The following ZSWIM5 variants were observed in gnomAD, a reference collection of about 807,000 sequenced individuals.
The protein encoded by ZSWIM5 is zinc finger SWIM domain-containing protein 5.
ZSWIM5 carries 55 observed loss-of-function variants against 119.6 expected under a neutral mutation model. The ratio of observed to expected loss-of-function variants is 0.46; its 90% CI spans 0.37 to 0.58. ZSWIM5 has a LOEUF of 0.58. Among genes scored for constraint, ZSWIM5 ranks in the 20% least tolerant of loss-of-function variants. The pLI, the probability that ZSWIM5 is intolerant of heterozygous loss-of-function variation, is 0.00. For missense variants in ZSWIM5, 1,193 were observed against 1,512.8 expected, an observed-to-expected ratio of 0.79 and a Z score of 3.51; for synonymous variants, 537 against 606.9, an observed-to-expected ratio of 0.88 and a Z score of 1.69.
intron 1 of ZSWIM5, among the ~76,000 whole-genome samples, chr1:45,164,601 G>T (rs1482066181): frequency 6.6e-6 from 1 of 152,084 alleles, no homozygotes; most frequent in Non-Finnish European, 1.5e-5. Context: ...ACACACATAG[G>T]CTCAAAATAA....
At chr1:45,130,375 C>CAT (rs1207457903) in intron 1 of ZSWIM5, among the ~76,000 whole-genome samples, 1 of 151,772 alleles carries the variant, frequency 6.6e-6, no homozygotes, top group Non-Finnish European at 1.5e-5. Context: ...AACACACACA[C>CAT]ACACACACAC....
chr1:45,058,507 T>C, intron 4 of ZSWIM5, 102 bp downstream of exon 4: 1 of 1,465,674 alleles, frequency 6.8e-7, no homozygotes. Flanking sequence ...CCAGCTGGAC[T>C]TAGCAAGATC....
rs571203455 is a variant in ZSWIM5 at position 45,072,197 on chromosome 1, T to C, written c.953-11950A>G. On this transcript the variant is annotated intron_variant, in intron 2 of 13. Transcript: ENST00000359600. This position sits in a 1 kb window ranked among gnomAD's most constrained non-coding sequence, Gnocchi z 4.1. ...ACAAATGATATTGAGTACCTTTTCA[T>C]ATACTCATTTGCCACTTGTATGTCG... 1.3e-5 allele frequency among the ~76,000 whole-genome samples: 2 copies of C among 152,016 alleles called. No homozygotes were observed. Among genetic ancestry groups the C allele is most frequent in the African/African-American group, 4.8e-5 (2 of 41,240 alleles).
Position 45,020,701 on chromosome 1 carries a change from G to GC in ZSWIM5, c.2536dup (p.Ala846GlyfsTer11), listed in dbSNP as rs1557737968. 6.2e-7 allele frequency: 1 copy of GC among 1,614,118 alleles called. No homozygotes were observed. The highest frequency in any genetic ancestry group is 8.5e-7 in the Non-Finnish European group (1 of 1,180,010). Reference sequence around the variant, plus strand: ...GTCGGTGGGAGTAGCAATCTTGAATGCATCTTGGGCCAGTTTGAAGATGAG... The same window carrying GC: ...GTCGGTGGGAGTAGCAATCTTGAATGCCATCTTGGGCCAGTTTGAAGATGAG... On this transcript the variant is annotated frameshift_variant, in exon 12 of 14. Coordinates refer to ENST00000359600, the MANE Select transcript of ZSWIM5 (RefSeq NM_020883.2). LOFTEE classifies it high-confidence loss of function.
At chr1:45,174,770 C>G (rs149327071) in intron 1 of ZSWIM5, among the ~76,000 whole-genome samples, 1 of 151,810 alleles carries the variant, frequency 6.6e-6, no homozygotes, top group Non-Finnish European at 1.5e-5. Context: ...CATATTTATC[C>G]CTTTTTATTT....
chr1:45,122,960 T>C (rs1030698171), intron 1 of ZSWIM5, among the ~76,000 whole-genome samples: 1 of 152,076 alleles, frequency 6.6e-6, no homozygotes, highest in Non-Finnish European at 1.5e-5. Flanking sequence ...CACTACCCAG[T>C]GGTAACGAGG....
At position 45,020,118 on chromosome 1, in the gene ZSWIM5, G is replaced by C; in HGVS notation, c.2643C>G (p.Asn881Lys). The C allele has an allele frequency of 6.2e-7, 1 of 1,614,170 alleles. No homozygotes were observed. The highest frequency in any genetic ancestry group is 8.5e-7 in the Non-Finnish European group (1 of 1,180,030). ...ATCGTACCATCTCCCTGCGTCTCCA[G>C]TTAAGGGTTGATAAGGTCATCCGCA... Reference protein sequence around the residue: ...QVMRMTLSTLNWRRREMVRWL... With the variant: ...QVMRMTLSTLKWRRREMVRWL... The change falls in exon 13 of 14, where the codon AAC becomes AAG. Residue 881 changes from asparagine (N) to lysine (K), a missense_variant. By Grantham distance (94) the Asn-to-Lys change is moderately conservative (BLOSUM62 0). Around this residue, in one of 2 missense-constraint regions of ZSWIM5, gnomAD observed 961 missense variants for 1,290.0 expected, o/e 0.74. Transcript: ENST00000359600.
At chr1:45,115,738 G>A (rs1203079277) in intron 1 of ZSWIM5, among the ~76,000 whole-genome samples, 3 of 149,758 alleles carry the variant, frequency 2.0e-5, no homozygotes, top group Admixed American at 6.6e-5. Flanking sequence ...ACGGGATGGC[G>A]GCTGGGAAGA....
chr1:45,165,494 C>A (rs1273489715), intron 1 of ZSWIM5, among the ~76,000 whole-genome samples: 1 of 151,876 alleles, frequency 6.6e-6, no homozygotes, highest in Non-Finnish European at 1.5e-5. Context: ...GATAGAGACA[C>A]AAAAAACCCT....
rs1274637586 is a variant in ZSWIM5 at position 45,163,590 on chromosome 1, G to A, written c.595+42166C>T. Among the ~76,000 whole-genome samples, 4 of 152,140 alleles carry A rather than the reference G, an allele frequency of 2.6e-5. No homozygotes were observed. In the East Asian group the frequency reaches 5.8e-4, roughly 22 times the overall value. On this transcript the variant is annotated intron_variant, in intron 1 of 13. Coordinates refer to ENST00000359600, the MANE Select transcript of ZSWIM5 (RefSeq NM_020883.2). Reference sequence around the variant, plus strand: ...TGAAAACCTTGAAAAAAGATTGGACGAATTGCTAACTAGAATAAACAGCAT... The same window carrying A: ...TGAAAACCTTGAAAAAAGATTGGACAAATTGCTAACTAGAATAAACAGCAT...
At chr1:45,033,956 G>T (rs1569998835) in intron 11 of ZSWIM5, among the ~76,000 whole-genome samples, 1 of 151,616 alleles carries the variant, frequency 6.6e-6, no homozygotes, top group African/African-American at 2.4e-5. Context: ...TCTGCCTCAC[G>T]CCATTCTCCT....
chr1:45,188,181 G>A (rs1162225846), intron 1 of ZSWIM5, among the ~76,000 whole-genome samples: 1 of 151,982 alleles, frequency 6.6e-6, no homozygotes, highest in Non-Finnish European at 1.5e-5. Context: ...ATAACCAAAA[G>A]GAAAACAACC....
At chr1:45,119,391 G>A (rs545218750) in intron 1 of ZSWIM5, among the ~76,000 whole-genome samples, 5 of 152,168 alleles carry the variant, frequency 3.3e-5, no homozygotes, top group East Asian at 1.9e-4. Flanking sequence ...ATTTAAGCTC[G>A]GAAATACTCG....
chr1:45,157,312 C>G (rs1032636231), intron 1 of ZSWIM5, among the ~76,000 whole-genome samples: 1 of 151,942 alleles, frequency 6.6e-6, no homozygotes, highest in Non-Finnish European at 1.5e-5. Context: ...GTAGCTGGGA[C>G]TACAGGCGCA....
At chr1:45,070,795 A>T (rs1356067671) in intron 2 of ZSWIM5, among the ~76,000 whole-genome samples, 1 of 152,108 alleles carries the variant, frequency 6.6e-6, no homozygotes, top group Non-Finnish European at 1.5e-5. Context: ...TAATTCCTAC[A>T]TTGGCTCCTC....
chr1:45,050,649 A>T (rs1205328944), intron 5 of ZSWIM5, among the ~76,000 whole-genome samples: 1 of 152,186 alleles, frequency 6.6e-6, no homozygotes, highest in Non-Finnish European at 1.5e-5. Flanking sequence ...TAAAAATTTG[A>T]GGAAAACAGA....
At chr1:45,133,530 A>T (rs571091673) in intron 1 of ZSWIM5, among the ~76,000 whole-genome samples, 2 of 152,234 alleles carry the variant, frequency 1.3e-5, no homozygotes, top group South Asian at 2.1e-4. Context: ...AGATGGGTAG[A>T]TTGCAAAAAT....
chr1:45,037,310 C>T (rs1644991166), intron 8 of ZSWIM5, among the ~76,000 whole-genome samples: 1 of 149,640 alleles, frequency 6.7e-6, no homozygotes, highest in Non-Finnish European at 1.5e-5. Flanking sequence ...GGGGTTTCAC[C>T]ATGTTGGCCA....
At position 45,117,670 on chromosome 1, in the gene ZSWIM5, C is replaced by CA. The variant is rs561512925; in HGVS notation, c.596-29434dup. Among the ~76,000 whole-genome samples the CA allele has an allele frequency of 1.1e-3, 165 of 150,352 alleles. 1 individual carries two copies. The highest frequency in any genetic ancestry group is 3.5e-3 in the Middle Eastern group (1 of 288). On this transcript the variant is annotated intron_variant, in intron 1 of 13. Coordinates refer to ENST00000359600, the MANE Select transcript of ZSWIM5 (RefSeq NM_020883.2). The stretch of plus-strand genomic sequence containing the variant: ...TGGTTAACAGAGAGAGACCTTGTTT[C>CA]AAAAAAAAGTAACAAGGAGGTCATC...
Sources: gnomAD v4.1 joint callset for allele counts (sites outside exome capture counted in the v4.1 genomes callset) on GRCh38, gnomAD v4.1.1 for gene constraint, gnomAD v4.1.1 regional missense constraint, Gnocchi (gnomAD v3.1) non-coding constraint, MANE v1.5 for transcripts, NCBI Gene and HGNC (gene_info 2026-07-23, HGNC 2026-07-21) for gene names.